THRB: variants seen among roughly 807,000 people sequenced by gnomAD.
THRB encodes nuclear receptor subfamily 1 group A member 2.
Under a neutral mutation model 47.8 loss-of-function variants are expected in THRB, and 12 were observed. The ratio of observed to expected loss-of-function variants is 0.25; its 90% CI spans 0.16 to 0.41. The LOEUF (loss-of-function observed/expected upper bound fraction) is 0.41. Among genes scored for constraint, THRB ranks in the 10% least tolerant of loss-of-function variants. THRB has a pLI of 1.00. For missense variants in THRB, 348 were observed against 589.2 expected (o/e 0.59, Z 4.24); for synonymous variants, 218 against 212.2 (o/e 1.03, Z -0.24).
intron 3 of THRB, among the ~76,000 whole-genome samples, chr3:24,274,421 TTCTC>T (rs2053689733): frequency 6.6e-6 from 1 of 152,162 alleles, no homozygotes; most frequent in South Asian, 2.1e-4. Context: ...TTCATTTGTG[TTCTC>T]TTTCTTTGTG....
intron 4 of THRB, among the ~76,000 whole-genome samples, chr3:24,213,118 G>A (rs76060365): frequency 0.02 from 3,093 of 152,260 alleles, 57 homozygotes; most frequent in South Asian, 0.076. Flanking sequence ...GAGTTTCTGA[G>A]AGAGAGAAGA....
chr3:24,435,494 A>G (rs1205828222), intron 1 of THRB, among the ~76,000 whole-genome samples: 2 of 152,166 alleles, frequency 1.3e-5, no homozygotes, highest in Non-Finnish European at 2.9e-5. Context: ...AGCCACATCC[A>G]AACCCCCCAG....
At chr3:24,257,135 C>T (rs2051373919) in intron 3 of THRB, among the ~76,000 whole-genome samples, 1 of 152,152 alleles carries the variant, frequency 6.6e-6, no homozygotes, top group South Asian at 2.1e-4. Flanking sequence ...TACCTGAAGT[C>T]TTGTTCCAGC....
intron 3 of THRB, among the ~76,000 whole-genome samples, chr3:24,255,684 T>C (rs1297225638): frequency 8.5e-5 from 13 of 152,142 alleles, no homozygotes; most frequent in Admixed American, 7.9e-4. Context: ...CCCGTACTTA[T>C]GTACAGGGTG....
intron 3 of THRB, among the ~76,000 whole-genome samples, chr3:24,242,222 C>G (rs576150733): frequency 4.7e-4 from 72 of 152,126 alleles, no homozygotes; most frequent in Non-Finnish European, 6.3e-4. Context: ...CTCAGGAAGC[C>G]AAAAACAAGA....
intron 3 of THRB, among the ~76,000 whole-genome samples, chr3:24,272,996 A>G (rs940415751): frequency 1.3e-5 from 2 of 152,174 alleles, no homozygotes; most frequent in African/African-American, 2.4e-5. Flanking sequence ...AGTTTCAGAT[A>G]CCTCAGTATA....
intron 4 of THRB, among the ~76,000 whole-genome samples, chr3:24,205,324 C>A (rs1326935991): frequency 6.6e-6 from 1 of 152,194 alleles, no homozygotes; most frequent in African/African-American, 2.4e-5. Flanking sequence ...ACTCTACAAG[C>A]CAGAAGAGAG....
intron 10 of THRB, among the ~76,000 whole-genome samples, chr3:24,124,118 T>A (rs2032249378): frequency 6.6e-6 from 1 of 152,152 alleles, no homozygotes; most frequent in African/African-American, 2.4e-5. Flanking sequence ...ACTTCAAAGG[T>A]CCAATTATTG....
intron 1 of THRB, among the ~76,000 whole-genome samples, chr3:24,424,076 T>C (rs947627852): frequency 6.6e-6 from 1 of 151,920 alleles, no homozygotes; most frequent in Non-Finnish European, 1.5e-5. Flanking sequence ...AGTACAGCTT[T>C]TTAATTTCTG....
intron 3 of THRB, among the ~76,000 whole-genome samples, chr3:24,285,012 A>T (rs1055015016): frequency 1.3e-5 from 2 of 152,088 alleles, no homozygotes; most frequent in Non-Finnish European, 2.9e-5. Context: ...ACCATTGTGG[A>T]AGTCAGTGTG....
chr3:24,404,080 T>C (rs955604157), intron 1 of THRB, among the ~76,000 whole-genome samples: 3 of 151,942 alleles, frequency 2.0e-5, no homozygotes, highest in East Asian at 1.9e-4. Context: ...TAGATTCCCA[T>C]AGTTAAAGAC....
intron 5 of THRB, among the ~76,000 whole-genome samples, chr3:24,164,045 T>G (rs1232283542): frequency 6.6e-6 from 1 of 152,154 alleles, no homozygotes; most frequent in Non-Finnish European, 1.5e-5. Flanking sequence ...TTGTAAATTA[T>G]AGAAACTCGT....
chr3:24,299,772 T>C (rs1336634168), intron 2 of THRB, among the ~76,000 whole-genome samples: 1 of 118,608 alleles, frequency 8.4e-6, no homozygotes, highest in African/African-American at 3.4e-5. Flanking sequence ...TATGCTTTTT[T>C]ATTTATTTAT....
chr3:24,144,405 G>T (rs1371562960), intron 7 of THRB: 1 of 152,856 alleles, frequency 6.5e-6, no homozygotes, highest in Non-Finnish European at 1.5e-5. Context: ...TTACATTCTA[G>T]CTGTGTGACC....
chr3:24,474,103 G>A (rs914891267), intron 1 of THRB, among the ~76,000 whole-genome samples: 4 of 152,166 alleles, frequency 2.6e-5, no homozygotes, highest in African/African-American at 9.7e-5. Context: ...AGAACTTAAA[G>A]TATAATTTAA....
At chr3:24,322,362 C>T (rs1481036513) in intron 2 of THRB, among the ~76,000 whole-genome samples, 1 of 152,104 alleles carries the variant, frequency 6.6e-6, no homozygotes, top group Non-Finnish European at 1.5e-5. Flanking sequence ...TTTAAAGTTC[C>T]TGGGAAAAGT....
intron 3 of THRB, among the ~76,000 whole-genome samples, chr3:24,247,230 T>C (rs993931416): frequency 6.6e-6 from 1 of 152,220 alleles, no homozygotes; most frequent in African/African-American, 2.4e-5. Flanking sequence ...CCATACATCT[T>C]ACACATGTGT....
chr3:24,459,969 A>G (rs1176524056), intron 1 of THRB, among the ~76,000 whole-genome samples: 1 of 152,252 alleles, frequency 6.6e-6, no homozygotes, highest in African/African-American at 2.4e-5. Context: ...TTTGGTAAAC[A>G]GAGCAGTTAA....
chr3:24,399,333 A>C (rs1212688011), intron 1 of THRB, among the ~76,000 whole-genome samples: 1 of 152,064 alleles, frequency 6.6e-6, no homozygotes, highest in African/African-American at 2.4e-5. Context: ...AAAAGTGACC[A>C]ATTTGAGGTT....
Sources: allele counts gnomAD v4.1 joint callset (sites outside exome capture counted in the v4.1 genomes callset), GRCh38; gene constraint gnomAD v4.1.1; transcripts MANE v1.5; gene names NCBI Gene and HGNC (gene_info 2026-07-23, HGNC 2026-07-21).